The following TAMM41 variants were observed in gnomAD, a reference collection of about 807,000 sequenced individuals.
TAMM41 encodes phosphatidate cytidylyltransferase, mitochondrial.
A neutral mutation model predicts 44.1 loss-of-function variants in TAMM41; 36 were observed. The ratio of observed to expected loss-of-function variants is 0.82; its 90% CI spans 0.63 to 1.08. TAMM41 has a LOEUF of 1.08. TAMM41 is among the 50% of genes least tolerant of loss of function. The pLI, the probability that TAMM41 is intolerant of heterozygous loss-of-function variation, is 0.00. For synonymous variants in TAMM41, 164 were observed against 153.1 expected, an observed-to-expected ratio of 1.07 and a Z score of -0.53; for missense variants, 417 against 404.3, an observed-to-expected ratio of 1.03 and a Z score of -0.27.
rs58759379 is a variant in TAMM41 at position 11,837,405 on chromosome 3, G to GA, written c.411+1816dup. Among the ~76,000 whole-genome samples, 1,137 of 141,548 alleles carry GA rather than the reference G, an allele frequency of 8.0e-3. 8 individuals are homozygous for GA. Among genetic ancestry groups the GA allele is most frequent in the East Asian group, 0.042 (209 of 4,964 alleles). The allele number at this position is 141,548 out of a possible 152,430, so 92.9% of individuals were successfully genotyped here. On this transcript the variant is annotated intron_variant, in intron 3 of 7. Coordinates refer to ENST00000455809, the MANE Select transcript of TAMM41 (RefSeq NM_001284401.2). ...TCTCAGAGCACAGACTGATTATCTG[G>GA]AAAAAAAAAAAGAAGAAAGAAAAGT...
rs1246051696 is a variant in TAMM41 at position 11,844,181 on chromosome 3, C to T, written c.166G>A (p.Asp56Asn). ...TTTGAATGCCATGCGACAGGGTCATCTACTGTGAACACAAAGTCCAGCATA... is the reference window on the plus strand; with the variant it reads ...TTTGAATGCCATGCGACAGGGTCATTTACTGTGAACACAAAGTCCAGCATA... ...NAMLDFVFTV[D>N]DPVAWHSKNL... The change falls in exon 2 of 8, where the codon GAT (aspartate) becomes AAT (asparagine). Residue 56 changes from aspartate (D) to asparagine (N), a missense_variant. Physicochemically the swap from Asp to Asn is conservative, Grantham distance 23. Transcript: ENST00000455809. 1.9e-6 allele frequency: 3 copies of T among 1,614,138 alleles called. No individual in the cohort carries two copies. Among genetic ancestry groups the T allele is most frequent in the East Asian group, 2.2e-5 (1 of 44,886 alleles).
chr3:11,793,598 C>G (rs556398058), intron 7 of TAMM41, among the ~76,000 whole-genome samples: 3 of 152,312 alleles, frequency 2.0e-5, no homozygotes, highest in South Asian at 4.1e-4. Context: ...AAGTATCCAT[C>G]AATAGTAGAA....
intron 3 of TAMM41, among the ~76,000 whole-genome samples, chr3:11,830,322 C>G (rs1040694511): frequency 6.6e-6 from 1 of 151,984 alleles, no homozygotes; most frequent in African/African-American, 2.4e-5. Context: ...CGATTTTGAA[C>G]TTGACTAAGG....
chr3:11,826,359 CCT>C (rs1475546282), intron 4 of TAMM41, among the ~76,000 whole-genome samples: 1 of 151,794 alleles, frequency 6.6e-6, no homozygotes, highest in African/African-American at 2.4e-5. Flanking sequence ...ACAGCGAGCC[CCT>C]GTCGCTACAC....
chr3:11,745,843 C>T, the TAMM41 span, among the ~76,000 whole-genome samples: 1 of 152,082 alleles, frequency 6.6e-6, no homozygotes, highest in African/African-American at 2.4e-5. Flanking sequence ...TGAAGTTATA[C>T]CTATTTTATC....
chr3:11,762,089 C>T, the TAMM41 span, among the ~76,000 whole-genome samples: 1 of 152,074 alleles, frequency 6.6e-6, no homozygotes, highest in Admixed American at 6.6e-5. Flanking sequence ...TGAGTAAAAA[C>T]CCAATTCCTG....
At chr3:11,787,742 A>G (rs2077425509), downstream of TAMM41, among the ~76,000 whole-genome samples, 1 of 152,236 alleles carries the variant, frequency 6.6e-6, no homozygotes, top group Non-Finnish European at 1.5e-5. Context: ...TCATAGATAT[A>G]GAAACTAAGG....
At chr3:11,806,997 T>C (rs2077928867) in intron 7 of TAMM41, among the ~76,000 whole-genome samples, 1 of 152,178 alleles carries the variant, frequency 6.6e-6, no homozygotes, top group Non-Finnish European at 1.5e-5. Flanking sequence ...TAACTATGGG[T>C]GAAGACAGAC....
At chr3:11,811,415 A>G (rs543868371) in intron 5 of TAMM41, 61 of 152,350 alleles carry the variant, frequency 4.0e-4, no homozygotes, top group African/African-American at 1.4e-3. Context: ...GAAGCTTCCA[A>G]CGGCTTGAGT....
chr3:11,775,710 C>G, the TAMM41 span, among the ~76,000 whole-genome samples: 6 of 152,162 alleles, frequency 3.9e-5, no homozygotes, highest in African/African-American at 1.4e-4. Context: ...ACAACCTAAG[C>G]GTCTGTTGAC....
chr3:11,789,193 G>T (rs559710289), downstream of TAMM41, among the ~76,000 whole-genome samples: 27 of 152,278 alleles, frequency 1.8e-4, no homozygotes, highest in Admixed American at 8.5e-4. Flanking sequence ...TCACATATCT[G>T]GTCAGTAGTG....
intron 4 of TAMM41, 43 bp from the exon 5 acceptor site, chr3:11,817,380 C>T (rs1166887783): frequency 3.2e-6 from 5 of 1,581,600 alleles, no homozygotes; most frequent in Middle Eastern, 1.8e-4. Context: ...ATTAAGAATC[C>T]ACACTCTCGA....
the TAMM41 span, among the ~76,000 whole-genome samples, chr3:11,728,514 A>G: frequency 2.6e-5 from 4 of 152,268 alleles, no homozygotes; most frequent in African/African-American, 7.2e-5. Flanking sequence ...AGCACTCAAT[A>G]AAAATTAATC....
the TAMM41 span, among the ~76,000 whole-genome samples, chr3:11,728,456 G>A: frequency 6.6e-6 from 1 of 152,246 alleles, no homozygotes; most frequent in Non-Finnish European, 1.5e-5. Context: ...TTTGCAAAAT[G>A]TCTGTACAAG....
intron 7 of TAMM41, among the ~76,000 whole-genome samples, chr3:11,797,697 A>T (rs1036629951): frequency 6.6e-6 from 1 of 152,262 alleles, no homozygotes; most frequent in Admixed American, 6.5e-5. Context: ...TGAAGAACAG[A>T]GTGAACAGAC....
intron 5 of TAMM41, 59 bp downstream of exon 5, chr3:11,817,133 C>G (rs751289349): frequency 1.9e-6 from 3 of 1,563,798 alleles, no homozygotes; most frequent in Non-Finnish European, 2.6e-6. Flanking sequence ...CCCTGACTTT[C>G]TTCCTGCAAA....
chr3:11,822,962 C>T (rs1468590968), intron 4 of TAMM41, among the ~76,000 whole-genome samples: 1 of 152,164 alleles, frequency 6.6e-6, no homozygotes, highest in African/African-American at 2.4e-5. Context: ...AGGCTTTTTT[C>T]CAAAGCAGCT....
intron 5 of TAMM41, among the ~76,000 whole-genome samples, chr3:11,813,828 ATGTGTG>A (rs143683206): frequency 1.9e-4 from 27 of 143,104 alleles, no homozygotes; most frequent in East Asian, 1.9e-3. Flanking sequence ...GTACAAATAT[ATGTGTG>A]TGTGTGTGTG....
intron 5 of TAMM41, 104 bp from the exon 6 acceptor site, chr3:11,809,786 A>C: frequency 8.6e-7 from 1 of 1,168,260 alleles, no homozygotes; most frequent in Non-Finnish European, 1.2e-6. Flanking sequence ...ACATATATGC[A>C]CCCACACCCC....
Sources: allele counts gnomAD v4.1 joint callset (sites outside exome capture counted in the v4.1 genomes callset), GRCh38; gene constraint gnomAD v4.1.1; transcripts MANE v1.5; gene names NCBI Gene and HGNC (gene_info 2026-07-23, HGNC 2026-07-21).